Variants in ITPR3 observed in about 807,000 individuals in gnomAD.
ITPR3 encodes the protein inositol 1,4,5-trisphosphate receptor type 3.
Under a neutral mutation model 293.2 loss-of-function variants are expected in ITPR3, and 173 were observed. That is an observed-to-expected ratio of 0.59 (90% confidence interval 0.52 to 0.67). The LOEUF is 0.67. Among genes scored for constraint, ITPR3 ranks in the 30% least tolerant of loss-of-function variants. The pLI, the probability that ITPR3 is intolerant of heterozygous loss-of-function variation, is 0.00. For synonymous variants in ITPR3, 1,295 were observed against 1,444.4 expected (o/e 0.90, Z 2.35); for missense variants, 2,796 against 3,592.1 (o/e 0.78, Z 5.66).
intron 3 of ITPR3, among the ~76,000 whole-genome samples, chr6:33,657,535 G>A (rs1312786223): frequency 6.6e-6 from 1 of 151,134 alleles, no homozygotes; most frequent in Admixed American, 6.6e-5. Flanking sequence ...TGGGACAAGG[G>A]TCCCGTGTCT....
In ITPR3 at chr6:33,621,620, C is replaced by T. The variant is rs746049163; in HGVS notation, c.18C>T (p.Ser6=). The T allele has an allele frequency of 6.2e-7, 1 of 1,604,698 alleles. No individual in the cohort carries two copies. The highest frequency in any genetic ancestry group is 1.1e-5 in the South Asian group (1 of 89,512). The part of the protein sequence containing the change: MSEMS[S]FLHIGDIVSL... The stretch of plus-strand genomic sequence containing the variant: ...CCGCAGCCATGAGTGAAATGTCCAG[C>T]TTTCTTCACATCGGGGACATCGTCT... Residue 6 remains serine, a synonymous_variant, in exon 1 of 58, where the codon AGC becomes AGT. Transcript: ENST00000605930. This position sits in a 1 kb window ranked among gnomAD's most constrained non-coding sequence, Gnocchi z 7.7.
intron 33 of ITPR3, among the ~76,000 whole-genome samples, chr6:33,681,498 G>C (rs1304032289): frequency 6.6e-6 from 1 of 152,208 alleles, no homozygotes; most frequent in Non-Finnish European, 1.5e-5. Flanking sequence ...AAAGATTCAT[G>C]GCTCCTTGGT....
At position 33,688,393 on chromosome 6, in the gene ITPR3, T is replaced by A; in HGVS notation, c.6530T>A (p.Phe2177Tyr). 7.4e-7 allele frequency: 1 copy of A among 1,351,708 alleles called. No homozygotes were observed. The highest frequency in any genetic ancestry group is 9.8e-7 in the Non-Finnish European group (1 of 1,023,376). 83.7% of individuals were successfully genotyped at this position (1,351,708 alleles called of 1,614,324 possible). Residue 2177 changes from phenylalanine (F) to tyrosine (Y), a missense_variant, in exon 48 of 58, where the codon TTC becomes TAC. Transcript: ENST00000605930. ...AGCGACTTCTTCGACCAGTCCTCCT[T>A]CCTGCACAACGAGATGGAGTGGCAG... ...KVSDFFDQSS[F>Y]LHNEMEWQRK...
chr6:33,668,727 C>T, intron 17 of ITPR3, 93 bp downstream of exon 17: 1 of 1,569,910 alleles, frequency 6.4e-7, no homozygotes, highest in Non-Finnish European at 8.7e-7. Flanking sequence ...CAGGCTGGAA[C>T]TGGCACCCTT....
intron 2 of ITPR3, among the ~76,000 whole-genome samples, chr6:33,649,416 A>G (rs1296893176): frequency 6.6e-6 from 1 of 151,080 alleles, no homozygotes; most frequent in African/African-American, 2.4e-5. Context: ...GTAGAGACTG[A>G]GTTTCTCCAT....
chr6:33,689,969 G>T (rs1433860887), intron 50 of ITPR3, 65 bp from the exon 51 acceptor site: 3 of 1,583,204 alleles, frequency 1.9e-6, no homozygotes, highest in Admixed American at 3.4e-5. Context: ...GGCACTGGGG[G>T]ACATGCGTGC....
intron 2 of ITPR3, among the ~76,000 whole-genome samples, chr6:33,648,936 G>A (rs1010081462): frequency 1.3e-5 from 2 of 151,712 alleles, no homozygotes; most frequent in Non-Finnish European, 2.9e-5. Context: ...GTCTCGCTCT[G>A]TCTTCCAGGC....
In ITPR3 at chr6:33,692,889, C is replaced by T; in HGVS notation, c.7620C>T (p.Ile2540=). ...KEEILKTTCF[I]CGLERDKFDN... is the part of the protein sequence containing the mutation. ...AGATTCTTAAGACGACATGCTTCAT[C>T]TGTGGTGAGGGCTGCTTCCTGCTCT... is the stretch of plus-strand genomic sequence containing the variant. The change falls in exon 55 of 58, where the codon ATC becomes ATT. Residue 2540 remains isoleucine, a synonymous_variant. Coordinates refer to ENST00000605930, the MANE Select transcript of ITPR3 (RefSeq NM_002224.4). The surrounding 1 kb of genome is among the most constrained non-coding windows in gnomAD (Gnocchi z 4.2). 6.2e-7 allele frequency: 1 copy of T among 1,614,024 alleles called. No individual in the cohort carries two copies. The highest frequency in any genetic ancestry group is 8.5e-7 in the Non-Finnish European group (1 of 1,179,944).
intron 49 of ITPR3, among the ~76,000 whole-genome samples, 157 bp downstream of exon 49, chr6:33,688,938 T>C (rs1350943713): frequency 6.6e-6 from 1 of 152,056 alleles, no homozygotes; most frequent in African/African-American, 2.4e-5. Context: ...CGCCCCATCA[T>C]GGAGACACAG....
Position 33,667,932 on chromosome 6 carries a change from C to G in ITPR3, c.1854C>G (p.Phe618Leu). 2 of 1,614,248 alleles carry G rather than the reference C, an allele frequency of 1.2e-6. No individual in the cohort carries two copies. The highest frequency in any genetic ancestry group is 1.7e-6 in the Non-Finnish European group (2 of 1,180,044). The change falls in exon 16 of 58, where the codon TTC becomes TTG. Residue 618 changes from phenylalanine (F) to leucine (L), a missense_variant. This residue lies in a region of ITPR3 where 955 missense variants were observed against 1,180.8 expected (regional missense o/e 0.81). Transcript: ENST00000605930. This position sits in a 1 kb window ranked among gnomAD's most constrained non-coding sequence, Gnocchi z 4.4. ...TCACCAAGACCGAGGTGGAGACCTTCGTCAGCCTTGTGCGCAAGAACCGGG... is the reference window on the plus strand; with the variant it reads ...TCACCAAGACCGAGGTGGAGACCTTGGTCAGCCTTGTGCGCAAGAACCGGG... ...KHITKTEVET[F>L]VSLVRKNREP...
chr6:33,684,151 TG>T lies in ITPR3; in HGVS notation c.4925del (p.Gly1642AlafsTer6). ...GTGAGGCCTACCAGCGCTGCGAGAG[TG>T]GGGGCTTCCTGTCCAAGTGAGCGAG... is the stretch of plus-strand genomic sequence containing the variant. Reference protein sequence around the residue: ...GSEAYQRCESGGFLSKLIQHT... With the variant: ...GSEAYQRCESXGFLSKLIQHT... On this transcript the variant is annotated frameshift_variant, in exon 36 of 58. Coordinates refer to ENST00000605930, the MANE Select transcript of ITPR3 (RefSeq NM_002224.4). LOFTEE classifies it high-confidence loss of function. This position sits in a 1 kb window ranked among gnomAD's most constrained non-coding sequence, Gnocchi z 4.2. 1 of 1,610,190 alleles carries T rather than the reference TG, an allele frequency of 6.2e-7. No individual in the cohort carries two copies.
chr6:33,637,409 C>T (rs1394329970), intron 1 of ITPR3, among the ~76,000 whole-genome samples: 1 of 152,198 alleles, frequency 6.6e-6, no homozygotes, highest in South Asian at 2.1e-4. Flanking sequence ...CCAGGGGTGA[C>T]CCCCTCCCAG....
At position 33,624,169 on chromosome 6, in the gene ITPR3, T is replaced by G. The variant is rs1241225049; in HGVS notation, c.89+2478T>G. Among the ~76,000 whole-genome samples the G allele has an allele frequency of 1.3e-5, 2 of 152,228 alleles. No homozygotes were observed. The highest frequency in any genetic ancestry group is 2.4e-5 in the African/African-American group (1 of 41,452). ...CTAGGGCAGAATTAACCCTTCGTCC[T>G]CTATGCTTTTGAACTGCTTTGTACA... On this transcript the variant is annotated intron_variant, in intron 1 of 57. Coordinates refer to ENST00000605930, the MANE Select transcript of ITPR3 (RefSeq NM_002224.4). The surrounding 1 kb of genome is among the most constrained non-coding windows in gnomAD (Gnocchi z 4.7).
At chr6:33,663,613 G>A in intron 10 of ITPR3, 63 bp downstream of exon 10, 1 of 1,602,030 alleles carries the variant, frequency 6.2e-7, no homozygotes, top group Non-Finnish European at 8.5e-7. Flanking sequence ...GCGGGGGCAG[G>A]GGAGGCCGTG....
At position 33,691,075 on chromosome 6, in the gene ITPR3, C is replaced by A. The variant is rs765163294; in HGVS notation, c.7191C>A (p.Leu2397=). ...TCTTCCTCAAGGATGACTTCATTCTCGAGGTCGACCGGCTGCCCAACAACC... is the reference window on the plus strand; with the variant it reads ...TCTTCCTCAAGGATGACTTCATTCTAGAGGTCGACCGGCTGCCCAACAACC... ...GFLFLKDDFI[L]EVDRLPNNHS... Residue 2397 remains leucine, a synonymous_variant, in exon 52 of 58, where the codon CTC becomes CTA. Transcript: ENST00000605930. The surrounding 1 kb of genome is among the most constrained non-coding windows in gnomAD (Gnocchi z 4.9). 1 of 1,614,196 alleles carries A rather than the reference C, an allele frequency of 6.2e-7. No homozygotes were observed. Among genetic ancestry groups the A allele is most frequent in the Non-Finnish European group, 8.5e-7 (1 of 1,180,028 alleles).
At position 33,633,762 on chromosome 6, in the gene ITPR3, G is replaced by A. The variant is rs1763742195; in HGVS notation, c.90-6722G>A. 6.9e-6 allele frequency among the ~76,000 whole-genome samples: 1 copy of A among 145,534 alleles called. No individual in the cohort carries two copies. The highest frequency in any genetic ancestry group is 1.5e-5 in the Non-Finnish European group (1 of 65,442). ...CGCTTCGCCGCGGGGGCGGGGGCGGGGCCGGGGCCGGGGCCGGACGCCCGG... is the reference window on the plus strand; with the variant it reads ...CGCTTCGCCGCGGGGGCGGGGGCGGAGCCGGGGCCGGGGCCGGACGCCCGG... On this transcript the variant is annotated intron_variant, in intron 1 of 57. Coordinates refer to ENST00000605930, the MANE Select transcript of ITPR3 (RefSeq NM_002224.4). This position sits in a 1 kb window ranked among gnomAD's most constrained non-coding sequence, Gnocchi z 5.2.
At chr6:33,665,254 C>T in intron 13 of ITPR3, 41 bp downstream of exon 13, 1 of 1,589,804 alleles carries the variant, frequency 6.3e-7, no homozygotes. Flanking sequence ...GTGATCTTGC[C>T]CTCCCAGGGC....
At position 33,658,157 on chromosome 6, in the gene ITPR3, G is replaced by T; in HGVS notation, c.369+139G>T. The T allele has an allele frequency of 1.4e-6, 1 of 708,818 alleles. No homozygotes were observed. The highest frequency in any genetic ancestry group is 2.5e-6 in the Non-Finnish European group (1 of 399,490). The allele number at this position is 708,818 out of a possible 1,614,324, so 43.9% of individuals were successfully genotyped here. ...TGAATGAGTGGCCCTGGGGCCACCT[G>T]TGTGGCTGTGCGTCTGACTGTGTGT... On this transcript the variant is annotated intron_variant, in intron 4 of 57. Coordinates refer to ENST00000605930, the MANE Select transcript of ITPR3 (RefSeq NM_002224.4). The surrounding 1 kb of genome is among the most constrained non-coding windows in gnomAD (Gnocchi z 6.1).
Position 33,665,980 on chromosome 6 carries a change from C to T in ITPR3, c.1551+4C>T, listed in dbSNP as rs145044249. 4,056 of 1,599,380 alleles carry T rather than the reference C, an allele frequency of 2.5e-3. 20 individuals are homozygous for T. The highest frequency in any genetic ancestry group is 1.8e-3 in the Non-Finnish European group (2,140 of 1,172,706). On this transcript the variant is annotated splice_donor_region_variant and intron_variant, in intron 14 of 57. Coordinates refer to ENST00000605930, the MANE Select transcript of ITPR3 (RefSeq NM_002224.4). Reference sequence around the variant, plus strand: ...GGAGCAGAACATCCTCAAACAGGTGCGTGTGCACCCATGAGGGGACGCAGA... The same window carrying T: ...GGAGCAGAACATCCTCAAACAGGTGTGTGTGCACCCATGAGGGGACGCAGA...
Sources: allele counts gnomAD v4.1 joint callset (sites outside exome capture counted in the v4.1 genomes callset), GRCh38; gene constraint gnomAD v4.1.1; regional missense constraint gnomAD v4.1.1; non-coding constraint Gnocchi (gnomAD v3.1); transcripts MANE v1.5; gene names NCBI Gene and HGNC (gene_info 2026-07-23, HGNC 2026-07-21).